The following KCNK13 variants were observed in gnomAD, a reference collection of about 807,000 sequenced individuals.
KCNK13 encodes the protein potassium channel subfamily K member 13.
KCNK13 carries 12 observed loss-of-function variants against 23.4 expected under a neutral mutation model. That is an observed-to-expected ratio of 0.51 (90% CI 0.33 to 0.83). The LOEUF (loss-of-function observed/expected upper bound fraction) is 0.83. Ranked by LOEUF, KCNK13 falls within the 40% of genes least tolerant of loss-of-function variation. The pLI is 0.02. For missense variants in KCNK13, 463 were observed against 556.3 expected (o/e 0.83, Z 1.69); for synonymous variants, 231 against 229.5 (o/e 1.01, Z -0.06).
At chr14:90,178,140 G>A in intron 1 of KCNK13, among the ~76,000 whole-genome samples, 1 of 145,770 alleles carries the variant, frequency 6.9e-6, no homozygotes, top group East Asian at 2.1e-4. Flanking sequence ...AGGTTGCTGA[G>A]GATTTTCATC....
intron 1 of KCNK13, among the ~76,000 whole-genome samples, chr14:90,156,155 C>T (rs779514741): frequency 2.3e-4 from 33 of 144,908 alleles, no homozygotes; most frequent in Non-Finnish European, 3.7e-4. Flanking sequence ...CAGTGAGCCA[C>T]GTTCGTGCCA....
intron 1 of KCNK13, among the ~76,000 whole-genome samples, chr14:90,158,947 A>G (rs1383100529): frequency 6.6e-6 from 1 of 152,106 alleles, no homozygotes; most frequent in Non-Finnish European, 1.5e-5. Context: ...GAGCTCCAGA[A>G]CCCCTCAACC....
intron 1 of KCNK13, among the ~76,000 whole-genome samples, chr14:90,087,662 GAA>G (rs1889297160): frequency 1.3e-5 from 2 of 152,216 alleles, no homozygotes; most frequent in Admixed American, 1.3e-4. Context: ...TGATGATTCA[GAA>G]GCCATTTCAG....
At chr14:90,144,695 G>C (rs1890053699) in intron 1 of KCNK13, among the ~76,000 whole-genome samples, 1 of 151,728 alleles carries the variant, frequency 6.6e-6, no homozygotes, top group Admixed American at 6.6e-5. Flanking sequence ...CTGACCTCAA[G>C]TAATCTACCC....
intron 1 of KCNK13, among the ~76,000 whole-genome samples, chr14:90,085,424 C>T (rs925685376): frequency 2.6e-5 from 4 of 151,150 alleles, no homozygotes; most frequent in Admixed American, 6.6e-5. Context: ...TTTGGGAGGC[C>T]GAGGCGAGTG....
intron 1 of KCNK13, among the ~76,000 whole-genome samples, chr14:90,093,508 G>A (rs1889373100): frequency 6.6e-6 from 1 of 152,062 alleles, no homozygotes; most frequent in Admixed American, 6.5e-5. Context: ...GCAAATCTAG[G>A]GCAAGTCAGG....
chr14:90,139,482 T>C (rs1487856544), intron 1 of KCNK13, among the ~76,000 whole-genome samples: 1 of 151,664 alleles, frequency 6.6e-6, no homozygotes, highest in Non-Finnish European at 1.5e-5. Context: ...GCGGGGGCCC[T>C]GTAAGGCAGT....
intron 1 of KCNK13, among the ~76,000 whole-genome samples, chr14:90,074,142 G>A (rs1214856757): frequency 6.6e-6 from 1 of 151,484 alleles, no homozygotes; most frequent in Non-Finnish European, 1.5e-5. Context: ...GCTAATTTTT[G>A]TATTTTTGAT....
At chr14:90,157,506 T>C (rs1890206766) in intron 1 of KCNK13, among the ~76,000 whole-genome samples, 1 of 152,028 alleles carries the variant, frequency 6.6e-6, no homozygotes, top group South Asian at 2.1e-4. Context: ...AGAAATCCTC[T>C]CGCTCCGGCC....
chr14:90,158,106 A>G lies in KCNK13; in HGVS notation c.335-26005A>G, dbSNP rs190166731. Among the ~76,000 whole-genome samples the G allele has an allele frequency of 6.8e-4, 104 of 152,260 alleles. 2 individuals are homozygous for G. The East Asian group carries it at 0.018, about 27-fold the overall frequency. ...CCATGCCCTGGACTGAGCTGAACAA[A>G]CCTTCAGGCTGATTGCAGGTTAGAA... On this transcript the variant is annotated intron_variant, in intron 1 of 1. Transcript: ENST00000282146.
At chr14:90,138,720 C>T (rs74082629) in intron 1 of KCNK13, among the ~76,000 whole-genome samples, 24,667 of 152,212 alleles carry the variant, frequency 0.16, 2,289 homozygotes, top group South Asian at 0.29. Flanking sequence ...CAAAGGCCCC[C>T]AGCTGAGGGG....
intron 1 of KCNK13, among the ~76,000 whole-genome samples, chr14:90,173,544 G>A (rs990112622): frequency 1.3e-5 from 2 of 152,116 alleles, no homozygotes; most frequent in African/African-American, 4.8e-5. Context: ...CTGAACTGGG[G>A]TCCACTTGCC....
chr14:90,153,473 T>A (rs777834303), intron 1 of KCNK13, among the ~76,000 whole-genome samples: 2 of 152,236 alleles, frequency 1.3e-5, no homozygotes, highest in Non-Finnish European at 2.9e-5. Flanking sequence ...ACCCGGTACA[T>A]GCTGGATAAA....
chr14:90,137,668 A>G (rs1182064769), intron 1 of KCNK13, among the ~76,000 whole-genome samples: 15 of 152,190 alleles, frequency 9.9e-5, no homozygotes, highest in Non-Finnish European at 2.1e-4. Context: ...AAAGAAGGCT[A>G]TTAGTTGTAA....
intron 1 of KCNK13, among the ~76,000 whole-genome samples, chr14:90,150,385 G>A (rs1045335475): frequency 1.4e-4 from 21 of 152,274 alleles, no homozygotes; most frequent in African/African-American, 4.8e-4. Context: ...AGGCTAAGGC[G>A]AAGGACTGTT....
chr14:90,081,655 G>A (rs111570649), intron 1 of KCNK13, among the ~76,000 whole-genome samples: 2,001 of 152,174 alleles, frequency 0.013, 48 homozygotes, highest in African/African-American at 0.046. Flanking sequence ...ACAGAGTTTT[G>A]CAACCATCAT....
At chr14:90,132,189 C>T (rs1889882873) in intron 1 of KCNK13, among the ~76,000 whole-genome samples, 1 of 152,190 alleles carries the variant, frequency 6.6e-6, no homozygotes, top group African/African-American at 2.4e-5. Flanking sequence ...CACGAAAGGA[C>T]AAAGAGTGTG....
At chr14:90,153,254 A>T (rs1890156957) in intron 1 of KCNK13, among the ~76,000 whole-genome samples, 1 of 152,178 alleles carries the variant, frequency 6.6e-6, no homozygotes, top group Non-Finnish European at 1.5e-5. Context: ...CCCAAGAATA[A>T]GTAGGGCTTA....
intron 1 of KCNK13, among the ~76,000 whole-genome samples, chr14:90,104,178 C>T (rs776157970): frequency 7.9e-5 from 12 of 152,098 alleles, no homozygotes; most frequent in Non-Finnish European, 1.6e-4. Context: ...TCTTCTCAGC[C>T]GAGCCTCCTA....
Sources: allele counts gnomAD v4.1 joint callset (sites outside exome capture counted in the v4.1 genomes callset), GRCh38; gene constraint gnomAD v4.1.1; transcripts MANE v1.5; gene names NCBI Gene and HGNC (gene_info 2026-07-23, HGNC 2026-07-21).